RAP1GAP2: variants seen among roughly 807,000 people sequenced by gnomAD.
RAP1GAP2 encodes the protein RAP1 GTPase activating protein 2.
A neutral mutation model predicts 95.0 loss-of-function variants in RAP1GAP2; 27 were observed. That is an observed-to-expected ratio of 0.28 (90% CI 0.21 to 0.39). The LOEUF is 0.39. Among genes scored for constraint, RAP1GAP2 ranks in the 10% least tolerant of loss-of-function variants. The probability of loss-of-function intolerance (pLI) is 1.00; values close to 1 mark genes in which losing one functional copy is unlikely to be tolerated. For missense variants in RAP1GAP2, 771 were observed against 970.0 expected (o/e 0.79, Z 2.72); for synonymous variants, 373 against 380.9 (o/e 0.98, Z 0.24).
At chr17:2,989,597 T>A (rs1318635123) in intron 11 of RAP1GAP2, among the ~76,000 whole-genome samples, 1 of 152,192 alleles carries the variant, frequency 6.6e-6, no homozygotes, top group African/African-American at 2.4e-5. Context: ...CCTCCCATAG[T>A]GCTAGAATTG....
At chr17:2,860,177 G>C (rs573069495) in intron 2 of RAP1GAP2, among the ~76,000 whole-genome samples, 3 of 152,228 alleles carry the variant, frequency 2.0e-5, no homozygotes, top group African/African-American at 7.2e-5. Context: ...GACAGGAGCC[G>C]ATCCACTCCC....
At chr17:2,942,962 T>A (rs571007664) in intron 3 of RAP1GAP2, among the ~76,000 whole-genome samples, 1 of 152,032 alleles carries the variant, frequency 6.6e-6, no homozygotes, top group African/African-American at 2.4e-5. Flanking sequence ...AGAGATGGGG[T>A]TTCACCATGT....
upstream of RAP1GAP2, among the ~76,000 whole-genome samples, chr17:2,792,335 T>C (rs2068947539): frequency 6.6e-6 from 1 of 152,206 alleles, no homozygotes; most frequent in Non-Finnish European, 1.5e-5. Flanking sequence ...GTGACGGCCT[T>C]GGAGCCCCGT....
intron 2 of RAP1GAP2, among the ~76,000 whole-genome samples, chr17:2,824,311 G>A (rs1018806138): frequency 5.3e-5 from 8 of 151,518 alleles, no homozygotes; most frequent in South Asian, 2.1e-4. Context: ...GCTGGGCATG[G>A]TGGCACACGC....
rs2042285576 is a variant in RAP1GAP2, at chr17:2,908,976, G to T, written c.165+3608G>T. On this transcript the variant is annotated intron_variant, in intron 3 of 24. Coordinates refer to ENST00000254695, the MANE Select transcript of RAP1GAP2 (RefSeq NM_015085.5). Reference sequence around the variant, plus strand: ...CCGCCTTGACCTCCCAAAGTGCTGGGATTACAGGTGTGAGCCACTGCGCCT... The same window carrying T: ...CCGCCTTGACCTCCCAAAGTGCTGGTATTACAGGTGTGAGCCACTGCGCCT... 2.0e-5 allele frequency among the ~76,000 whole-genome samples: 3 copies of T among 152,186 alleles called. No individual in the cohort carries two copies. In the South Asian group the frequency reaches 6.2e-4, roughly 32 times the overall value.
chr17:2,759,285 A>C (rs1414591108), intron 1 of RAP1GAP2, among the ~76,000 whole-genome samples: 1 of 152,040 alleles, frequency 6.6e-6, no homozygotes, highest in East Asian at 1.9e-4. Flanking sequence ...ATACTTTATT[A>C]TTTTTTATTT....
At position 3,005,639 on chromosome 17, in the gene RAP1GAP2, G is replaced by T. The variant is rs1455134238; in HGVS notation, c.1272+199G>T. On this transcript the variant is annotated intron_variant, in intron 15 of 24. Transcript: ENST00000254695. This position sits in a 1 kb window ranked among gnomAD's most constrained non-coding sequence, Gnocchi z 5.2. ...AGTCTGGCCCAGCATAGGACCACTT[G>T]TCAGGGTGTTTGACACTGGGGTTGC... 1.3e-5 allele frequency among the ~76,000 whole-genome samples: 2 copies of T among 152,160 alleles called. No individual in the cohort carries two copies. Among genetic ancestry groups the T allele is most frequent in the Non-Finnish European group, 2.9e-5 (2 of 68,038 alleles).
At chr17:3,007,713 G>A in intron 16 of RAP1GAP2, among the ~76,000 whole-genome samples, 1 of 152,186 alleles carries the variant, frequency 6.6e-6, no homozygotes, top group East Asian at 1.9e-4. Flanking sequence ...TGGGGCAGAG[G>A]GCCGGGCTGG....
chr17:2,850,450 TAAA>T (rs1009299963), intron 2 of RAP1GAP2, among the ~76,000 whole-genome samples: 1 of 151,758 alleles, frequency 6.6e-6, no homozygotes, highest in Non-Finnish European at 1.5e-5. Flanking sequence ...CGTTTTCTTT[TAAA>T]ATTAAGTAAA....
intron 3 of RAP1GAP2, among the ~76,000 whole-genome samples, chr17:2,921,854 G>A (rs74252360): frequency 0.033 from 5,008 of 152,270 alleles, 120 homozygotes; most frequent in African/African-American, 0.068. Flanking sequence ...GGACTGCACA[G>A]CTCTGCTCTC....
chr17:2,869,752 C>T (rs1010107084), intron 2 of RAP1GAP2, among the ~76,000 whole-genome samples: 4 of 152,364 alleles, frequency 2.6e-5, no homozygotes, highest in African/African-American at 4.8e-5. Context: ...GCTGGGCCAC[C>T]TTCTGCGAGC....
chr17:2,937,503 G>T (rs1238830724), intron 3 of RAP1GAP2, among the ~76,000 whole-genome samples: 1 of 152,140 alleles, frequency 6.6e-6, no homozygotes, highest in Non-Finnish European at 1.5e-5. Context: ...TGATTCACTG[G>T]CTCTGAGTAG....
At chr17:2,930,468 C>T (rs2043106101) in intron 3 of RAP1GAP2, among the ~76,000 whole-genome samples, 1 of 152,236 alleles carries the variant, frequency 6.6e-6, no homozygotes, top group Non-Finnish European at 1.5e-5. Flanking sequence ...GCAGCTTCCT[C>T]ACTCGGAATG....
chr17:2,809,566 A>G (rs2069668088), intron 2 of RAP1GAP2, among the ~76,000 whole-genome samples: 1 of 152,054 alleles, frequency 6.6e-6, no homozygotes, highest in African/African-American at 2.4e-5. Flanking sequence ...CTGGCCATGC[A>G]CTTGGGCTTC....
In RAP1GAP2 at chr17:3,026,360, A is replaced by C. The variant is rs1240857890; in HGVS notation, c.1876A>C (p.Lys626Gln). The change falls in exon 21 of 25, where the codon AAG becomes CAG. Residue 626 changes from lysine (K) to glutamine (Q), a missense_variant. Physicochemically the swap from Lys to Gln is moderately conservative, Grantham distance 53 (BLOSUM62 1). Coordinates refer to ENST00000254695, the MANE Select transcript of RAP1GAP2 (RefSeq NM_015085.5). Reference sequence around the variant, plus strand: ...TCCTATTCCCTGCAGGCCCTTCATGAAGTTGAAGGAAAACGGCCGTGCCAT... The same window carrying C: ...TCCTATTCCCTGCAGGCCCTTCATGCAGTTGAAGGAAAACGGCCGTGCCAT... ...ICPNKEKPFM[K>Q]LKENGRAISR... 1.3e-6 allele frequency: 2 copies of C among 1,550,714 alleles called. No individual in the cohort carries two copies. Among genetic ancestry groups the C allele is most frequent in the South Asian group, 2.4e-5 (2 of 84,048 alleles).
rs150152598 is a variant in RAP1GAP2 at position 2,836,705 on chromosome 17, A to G, written c.80+36155A>G. Among the ~76,000 whole-genome samples the G allele has an allele frequency of 1.5e-3, 236 of 152,264 alleles. 1 individual carries two copies. The highest frequency in any genetic ancestry group is 5.4e-3 in the African/African-American group (223 of 41,574). On this transcript the variant is annotated intron_variant, in intron 2 of 24. Transcript: ENST00000254695. The stretch of plus-strand genomic sequence containing the variant: ...GTCCAGCTAGATCCAGGTGGGTGAG[A>G]CAGCATCATCGGACCATCTATTTGT...
At chr17:2,879,098 G>GCCCCACCT (rs1435758464) in intron 2 of RAP1GAP2, among the ~76,000 whole-genome samples, 1 of 143,858 alleles carries the variant, frequency 7.0e-6, no homozygotes, top group Non-Finnish European at 1.5e-5. Context: ...ACCTGGCTTG[G>GCCCCACCT]CCCCACCTCC....
intron 8 of RAP1GAP2, among the ~76,000 whole-genome samples, chr17:2,976,553 AGTG>A (rs1597778255): frequency 6.6e-6 from 1 of 152,206 alleles, no homozygotes; most frequent in East Asian, 1.9e-4. Context: ...CTGCAGTTGA[AGTG>A]GTATTTAGAG....
At position 3,029,480 on chromosome 17, in the gene RAP1GAP2, G is replaced by T. The variant is rs1378629466; in HGVS notation, c.2108-1442G>T. Among the ~76,000 whole-genome samples the T allele has an allele frequency of 2.6e-5, 4 of 152,178 alleles. No homozygotes were observed. Among genetic ancestry groups the T allele is most frequent in the Non-Finnish European group, 5.9e-5 (4 of 68,040 alleles). On this transcript the variant is annotated intron_variant, in intron 22 of 24. Coordinates refer to ENST00000254695, the MANE Select transcript of RAP1GAP2 (RefSeq NM_015085.5). The surrounding 1 kb of genome is among the most constrained non-coding windows in gnomAD (Gnocchi z 4.4). ...CTGGGAACCGGTTTCATGCTGTTTG[G>T]CTGAGTCTGGGGAGAGGCAGGGTGG... is the stretch of plus-strand genomic sequence containing the variant.
Sources: gnomAD v4.1 joint callset for allele counts (sites outside exome capture counted in the v4.1 genomes callset) on GRCh38, gnomAD v4.1.1 for gene constraint, Gnocchi (gnomAD v3.1) non-coding constraint, MANE v1.5 for transcripts, NCBI Gene and HGNC (gene_info 2026-07-23, HGNC 2026-07-21) for gene names.